The following GFI1 variants were observed in gnomAD, a reference collection of about 807,000 sequenced individuals.
GFI1 encodes the protein growth factor independent 1 transcriptional repressor, also known as zinc finger protein Gfi-1.
GFI1 carries 15 observed loss-of-function variants against 39.2 expected under a neutral mutation model. That is an observed-to-expected ratio of 0.38 (90% CI 0.26 to 0.59). The LOEUF is 0.59. Among genes scored for constraint, GFI1 ranks in the 20% least tolerant of loss-of-function variants. The pLI is 0.62. For synonymous variants in GFI1, 239 were observed against 254.3 expected (o/e 0.94, Z 0.57); for missense variants, 475 against 574.0 (o/e 0.83, Z 1.76).
Position 92,473,921 on chromosome 1 carries a change from C to T in GFI1, c.*2108G>A, listed in dbSNP as rs763796791. ...TGTCCTCACTGCTATATCTCCACCC[C>T]CTAGAAGAATGCCCAGCACATACTG... On this transcript the variant is annotated 3_prime_UTR_variant, in exon 7 of 7. Coordinates refer to ENST00000294702, the MANE Select transcript of GFI1 (RefSeq NM_005263.5). Among the ~76,000 whole-genome samples the T allele has an allele frequency of 4.6e-5, 7 of 152,206 alleles. No homozygotes were observed. Among genetic ancestry groups the T allele is most frequent in the Non-Finnish European group, 8.8e-5 (6 of 68,038 alleles).
Position 92,480,553 on chromosome 1 carries a change from G to A in GFI1, c.786+48C>T. 1 of 1,543,378 alleles carries A rather than the reference G, an allele frequency of 6.5e-7. No individual in the cohort carries two copies. Among genetic ancestry groups the A allele is most frequent in the South Asian group, 1.2e-5 (1 of 83,984 alleles). On this transcript the variant is annotated intron_variant, in intron 4 of 6. Coordinates refer to ENST00000294702, the MANE Select transcript of GFI1 (RefSeq NM_005263.5). This position sits in a 1 kb window ranked among gnomAD's most constrained non-coding sequence, Gnocchi z 5.6. ...GCGGGGCGCAGGCGAGGCGCGGGTA[G>A]GGGAAGCGGGCGCACGGCAGGCGAG...
At chr1:92,478,308 G>A (rs1658055856) in intron 6 of GFI1, among the ~76,000 whole-genome samples, 1 of 152,158 alleles carries the variant, frequency 6.6e-6, no homozygotes, top group Non-Finnish European at 1.5e-5. Context: ...AGGGGAAGCA[G>A]CTGCTAACCT....
chr1:92,483,648 G>A, intron 1 of GFI1, 62 bp from the exon 2 acceptor site: 1 of 677,404 alleles, frequency 1.5e-6, no homozygotes, highest in Admixed American at 2.0e-5. Context: ...GGCGGACTGG[G>A]CACCCAGGCG....
intron 2 of GFI1, 120 bp from the exon 3 acceptor site, chr1:92,483,166 C>G: frequency 1.0e-6 from 1 of 977,060 alleles, no homozygotes; most frequent in Non-Finnish European, 1.5e-6. Flanking sequence ...ACCCAGACCC[C>G]GGCCGGGAAC....
chr1:92,478,727 A>G lies in GFI1; in HGVS notation c.951T>C (p.Cys317=). Residue 317 remains cysteine (C), a synonymous_variant, in exon 6 of 7, where the codon TGT becomes TGC. Coordinates refer to ENST00000294702, the MANE Select transcript of GFI1 (RefSeq NM_005263.5). ...SQERSFDCKI[C]GKSFKRSSTL... is the part of the protein sequence containing the mutation. ...TGGATGACCTCTTGAAGCTCTTCCC[A>G]CAGATCTTACAGTCAAAGCTCCGTT... is the stretch of plus-strand genomic sequence containing the variant. 1 of 1,608,800 alleles carries G rather than the reference A, an allele frequency of 6.2e-7. No individual in the cohort carries two copies. Among genetic ancestry groups the G allele is most frequent in the Non-Finnish European group, 8.5e-7 (1 of 1,177,508 alleles).
In GFI1 at chr1:92,483,141, C is replaced by T. The variant is rs530464819; in HGVS notation, c.116-95G>A. The stretch of plus-strand genomic sequence containing the variant: ...CAATCCCCCGACCAGGGCAGCCGAG[C>T]GTCTTCCCCTCTCCACCCAGACCCC... On this transcript the variant is annotated intron_variant, in intron 2 of 6. Coordinates refer to ENST00000294702, the MANE Select transcript of GFI1 (RefSeq NM_005263.5). 11,050 of 1,179,976 alleles carry T rather than the reference C, an allele frequency of 9.4e-3. 68 individuals carry two copies. Among genetic ancestry groups the T allele is most frequent in the Non-Finnish European group, 0.01 (8,878 of 856,162 alleles). 73.1% of individuals were successfully genotyped at this position (1,179,976 alleles called of 1,614,324 possible).
chr1:92,482,553 T>C lies in GFI1; in HGVS notation c.298+311A>G, dbSNP rs916299439. Among the ~76,000 whole-genome samples the C allele has an allele frequency of 6.6e-6, 1 of 152,056 alleles. No individual in the cohort carries two copies. The highest frequency in any genetic ancestry group is 2.4e-5 in the African/African-American group (1 of 41,406). ...AAAACAGTCAGGTCTGGTCAGAAAA[T>C]GAAAGGTCAGCGTTGCCGCCAGTCG... On this transcript the variant is annotated intron_variant, in intron 3 of 6. Coordinates refer to ENST00000294702, the MANE Select transcript of GFI1 (RefSeq NM_005263.5). The surrounding 1 kb of genome is among the most constrained non-coding windows in gnomAD (Gnocchi z 4.4).
In GFI1 at chr1:92,481,111, TC is replaced by T. The variant is rs559877045; in HGVS notation, c.299-24del. Reference sequence around the variant, plus strand: ...AGGCTGTGGAGGCACAAGGGGAGCGTCCGGTCAGGCTTCAGACGGCAGAGCG... The same window carrying T: ...AGGCTGTGGAGGCACAAGGGGAGCGTCGGTCAGGCTTCAGACGGCAGAGCG... On this transcript the variant is annotated intron_variant, in intron 3 of 6. Coordinates refer to ENST00000294702, the MANE Select transcript of GFI1 (RefSeq NM_005263.5). The surrounding 1 kb of genome is among the most constrained non-coding windows in gnomAD (Gnocchi z 4.3). The T allele has an allele frequency of 4.8e-4, 761 of 1,600,462 alleles. 6 individuals carry two copies. In the African/African-American group the frequency reaches 9.4e-3, roughly 20 times the overall value.
intron 1 of GFI1, among the ~76,000 whole-genome samples, chr1:92,485,682 A>G (rs6603975): frequency 0.85 from 129,749 of 152,130 alleles, 55,721 homozygotes; most frequent in East Asian, 0.97. Flanking sequence ...GTCCGGGCCC[A>G]GGAAGGAGGG....
chr1:92,480,764 G>T lies in GFI1; in HGVS notation c.623C>A (p.Ala208Asp). The T allele has an allele frequency of 6.2e-7, 1 of 1,600,522 alleles. No individual in the cohort carries two copies. Among genetic ancestry groups the T allele is most frequent in the Non-Finnish European group, 8.5e-7 (1 of 1,178,106 alleles). The change falls in exon 4 of 7, where the codon GCC becomes GAC. Residue 208 changes from alanine (A) to aspartate (D), a missense_variant. By Grantham distance (126) the Ala-to-Asp change is moderately radical (BLOSUM62 -2). Transcript: ENST00000294702. This position sits in a 1 kb window ranked among gnomAD's most constrained non-coding sequence, Gnocchi z 5.6. ...GLYGDFGSAAAGLYERPTAAA... is the reference protein window; with the variant it reads ...GLYGDFGSAADGLYERPTAAA... ...TGCCGTGGGCCTCTCATACAGCCCG[G>T]CTGCCGCAGACCCGAAGTCGCCGTA...
Position 92,476,422 on chromosome 1 carries a change from T to C in GFI1, c.1091-215A>G, listed in dbSNP as rs535203180. ...TGGGGGCACCAGGTGAAAGGGAGAC[T>C]TTCTGAAGGGGGGTTCCCAGCCAAA... On this transcript the variant is annotated intron_variant, in intron 6 of 6. Coordinates refer to ENST00000294702, the MANE Select transcript of GFI1 (RefSeq NM_005263.5). Among the ~76,000 whole-genome samples, 267 of 152,264 alleles carry C rather than the reference T, an allele frequency of 1.8e-3. 2 individuals are homozygous for C. Among genetic ancestry groups the C allele is most frequent in the African/African-American group, 6.2e-3 (258 of 41,540 alleles).
Position 92,481,178 on chromosome 1 carries a change from G to T in GFI1, c.299-90C>A. On this transcript the variant is annotated intron_variant, in intron 3 of 6. Coordinates refer to ENST00000294702, the MANE Select transcript of GFI1 (RefSeq NM_005263.5). This position sits in a 1 kb window ranked among gnomAD's most constrained non-coding sequence, Gnocchi z 4.3. ...CGGCTGCGAGCGTGGCGTGTTCGCG[G>T]ACTGCGGGGCACCCAGCGCTTGTAG... 1 of 1,137,454 alleles carries T rather than the reference G, an allele frequency of 8.8e-7. No individual in the cohort carries two copies. The highest frequency in any genetic ancestry group is 1.3e-6 in the Non-Finnish European group (1 of 776,712). The allele number at this position is 1,137,454 out of a possible 1,614,324, so 70.5% of individuals were successfully genotyped here.
chr1:92,476,239 A>G lies in GFI1; in HGVS notation c.1091-32T>C, dbSNP rs1201145600. 12 of 1,585,142 alleles carry G rather than the reference A, an allele frequency of 7.6e-6. No homozygotes were observed. In the South Asian group the frequency reaches 1.4e-4, roughly 18 times the overall value. Reference sequence around the variant, plus strand: ...GGATGGGAGGGGGAGGGGAGAAAGTATGAGTCTATGATAAAGCTAGAGGGG... The same window carrying G: ...GGATGGGAGGGGGAGGGGAGAAAGTGTGAGTCTATGATAAAGCTAGAGGGG... On this transcript the variant is annotated intron_variant, in intron 6 of 6. Transcript: ENST00000294702.
intron 1 of GFI1, among the ~76,000 whole-genome samples, chr1:92,485,487 C>T (rs1354365709): frequency 1.3e-5 from 2 of 152,200 alleles, no homozygotes; most frequent in East Asian, 1.9e-4. Flanking sequence ...CGCCTCCCCA[C>T]CCGGGCTGTA....
At position 92,473,720 on chromosome 1, in the gene GFI1, TC is replaced by T. The variant is rs2101545828; in HGVS notation, c.*2308del. On this transcript the variant is annotated 3_prime_UTR_variant, in exon 7 of 7. Coordinates refer to ENST00000294702, the MANE Select transcript of GFI1 (RefSeq NM_005263.5). ...ATTTGTTTCCCAGGCTGTCAAGCAA[TC>T]TCTCTTCCCTTTGTGCTGTAGAGAG... Among the ~76,000 whole-genome samples, 1 of 152,242 alleles carries T rather than the reference TC, an allele frequency of 6.6e-6. No homozygotes were observed. Among genetic ancestry groups the T allele is most frequent in the African/African-American group, 2.4e-5 (1 of 41,538 alleles).
chr1:92,480,225 T>G lies in GFI1; in HGVS notation c.924+123A>C. On this transcript the variant is annotated intron_variant, in intron 5 of 6. Coordinates refer to ENST00000294702, the MANE Select transcript of GFI1 (RefSeq NM_005263.5). This position sits in a 1 kb window ranked among gnomAD's most constrained non-coding sequence, Gnocchi z 5.6. ...GGGCAAGGGGACGCAGCGGAGGGCT[T>G]GGGGGAGGAAACTGGGGGAAGTCGA... 31 of 1,081,514 alleles carry G rather than the reference T, an allele frequency of 2.9e-5. No homozygotes were observed. Among genetic ancestry groups the G allele is most frequent in the Non-Finnish European group, 3.8e-5 (28 of 739,466 alleles). The allele number at this position is 1,081,514 out of a possible 1,614,324, so 67.0% of individuals were successfully genotyped here. A position where few individuals can be genotyped will look rare whatever the true frequency, so the allele number is the denominator to read the frequency against.
chr1:92,479,917 T>C (rs575093880), intron 5 of GFI1, among the ~76,000 whole-genome samples: 9 of 152,068 alleles, frequency 5.9e-5, no homozygotes, highest in Non-Finnish European at 1.3e-4. Flanking sequence ...GGGGTGAATA[T>C]GCTACTAGAT....
In GFI1 at chr1:92,475,901, C is replaced by G; in HGVS notation, c.*128G>C. On this transcript the variant is annotated 3_prime_UTR_variant, in exon 7 of 7. Transcript: ENST00000294702. ...CGAAGGAGGAGCAACCTGGTAGGATCTGCAGACTGGACCTGGGGTCTGGAA... is the reference window on the plus strand; with the variant it reads ...CGAAGGAGGAGCAACCTGGTAGGATGTGCAGACTGGACCTGGGGTCTGGAA... 1.2e-6 allele frequency: 1 copy of G among 835,336 alleles called. No homozygotes were observed. Among genetic ancestry groups the G allele is most frequent in the Non-Finnish European group, 2.0e-6 (1 of 505,152 alleles). 51.7% of individuals were successfully genotyped at this position (835,336 alleles called of 1,614,324 possible).
At chr1:92,485,021 G>A (rs190504932) in intron 1 of GFI1, among the ~76,000 whole-genome samples, 1,660 of 152,304 alleles carry the variant, frequency 0.011, 36 homozygotes, top group African/African-American at 0.037. Context: ...GCTCAAACGA[G>A]TCCTACAGGC....
Sources: gnomAD v4.1 joint callset for allele counts (sites outside exome capture counted in the v4.1 genomes callset) on GRCh38, gnomAD v4.1.1 for gene constraint, Gnocchi (gnomAD v3.1) non-coding constraint, MANE v1.5 for transcripts, NCBI Gene and HGNC (gene_info 2026-07-23, HGNC 2026-07-21) for gene names.